Variants in ZBTB20 observed in about 807,000 individuals in gnomAD.
ZBTB20 encodes the protein zinc finger and BTB domain-containing protein 20.
ZBTB20 carries 9 observed loss-of-function variants against 56.9 expected under a neutral mutation model. The observed-to-expected ratio is 0.16, with a 90% CI of 0.10 to 0.28. The LOEUF (loss-of-function observed/expected upper bound fraction) is 0.28, where lower values mean the gene tolerates loss of function less well. Among genes scored for constraint, ZBTB20 ranks in the 10% least tolerant of loss-of-function variants. The pLI is 1.00. For synonymous variants in ZBTB20, 417 were observed against 420.7 expected (o/e 0.99, Z 0.11); for missense variants, 655 against 1,003.0 (o/e 0.65, Z 4.69).
chr3:114,907,774 AG>A (rs2075376575), intron 3 of ZBTB20, among the ~76,000 whole-genome samples: 1 of 151,950 alleles, frequency 6.6e-6, no homozygotes, highest in Admixed American at 6.6e-5. Context: ...ACTATGTGAC[AG>A]GCATTGTTCC....
chr3:114,390,200 A>C (rs1016131266), intron 7 of ZBTB20, among the ~76,000 whole-genome samples: 3 of 151,678 alleles, frequency 2.0e-5, no homozygotes, highest in African/African-American at 4.8e-5. Flanking sequence ...TTTCTAGTAC[A>C]AAAAAAAGCC....
intron 6 of ZBTB20, among the ~76,000 whole-genome samples, chr3:114,636,521 C>A (rs566364860): frequency 6.6e-5 from 10 of 151,970 alleles, no homozygotes; most frequent in Admixed American, 3.3e-4. Context: ...AATTGTGACA[C>A]CAATAACATG....
chr3:114,978,315 A>C (rs983040051), intron 2 of ZBTB20, among the ~76,000 whole-genome samples: 1 of 148,768 alleles, frequency 6.7e-6, no homozygotes, highest in Non-Finnish European at 1.5e-5. Context: ...ATTATTAAAT[A>C]ATATTATTAA....
intron 3 of ZBTB20, among the ~76,000 whole-genome samples, chr3:114,935,927 T>C (rs1254941693): frequency 6.6e-6 from 1 of 152,176 alleles, no homozygotes; most frequent in East Asian, 1.9e-4. Context: ...TACCAGATCA[T>C]AATGAGCATC....
rs75872725 is a variant in ZBTB20, at chr3:114,594,209, A to C, written c.-294-93818T>G. Among the ~76,000 whole-genome samples, 186 of 152,288 alleles carry C rather than the reference A, an allele frequency of 1.2e-3. 5 individuals carry two copies. The East Asian group carries it at 0.033, about 27-fold the overall frequency. ...GGTTAAATTGCAACCCATAAATTAA[A>C]ATGTAGTTCCAAAGTGTGTCTATAG... On this transcript the variant is annotated intron_variant, in intron 6 of 11. Coordinates refer to ENST00000675478, the MANE Select transcript of ZBTB20 (RefSeq NM_001348800.3).
intron 6 of ZBTB20, among the ~76,000 whole-genome samples, chr3:114,586,989 CTTTTTT>C (rs1195918426): frequency 1.0e-4 from 8 of 76,976 alleles, no homozygotes; most frequent in East Asian, 5.0e-4. Flanking sequence ...GTATAACTCC[CTTTTTT>C]TTTTTTTTTT....
Position 114,927,674 on chromosome 3 carries a change from T to C in ZBTB20, c.-455-27332A>G, listed in dbSNP as rs72958302. On this transcript the variant is annotated intron_variant, in intron 3 of 11. Transcript: ENST00000675478. ...TCTCAAGAACTGGCAATAATTAAGTTTCCAACCAAATTATATTTTCTAAAT... is the reference window on the plus strand; with the variant it reads ...TCTCAAGAACTGGCAATAATTAAGTCTCCAACCAAATTATATTTTCTAAAT... Among the ~76,000 whole-genome samples the C allele has an allele frequency of 6.7e-3, 1,018 of 152,278 alleles. 14 individuals carry two copies. Among genetic ancestry groups the C allele is most frequent in the African/African-American group, 0.022 (933 of 41,540 alleles).
intron 1 of ZBTB20, among the ~76,000 whole-genome samples, chr3:115,121,846 T>G (rs865790955): frequency 1.1e-4 from 16 of 152,094 alleles, no homozygotes; most frequent in Non-Finnish European, 1.6e-4. Flanking sequence ...TCTTAGTTTA[T>G]TCTTAAAGCT....
chr3:114,749,051 T>C (rs1478227470), intron 5 of ZBTB20, among the ~76,000 whole-genome samples: 1 of 152,196 alleles, frequency 6.6e-6, no homozygotes, highest in Admixed American at 6.5e-5. Context: ...CGATGAGAAG[T>C]CAGGAATGCC....
intron 6 of ZBTB20, among the ~76,000 whole-genome samples, chr3:114,642,036 A>C (rs767861841): frequency 6.6e-6 from 1 of 152,014 alleles, no homozygotes; most frequent in Non-Finnish European, 1.5e-5. Context: ...TGTAGTACCT[A>C]GTTTGAGGCC....
chr3:115,132,286 G>GA (rs1206525242), intron 1 of ZBTB20, among the ~76,000 whole-genome samples: 3 of 151,826 alleles, frequency 2.0e-5, no homozygotes, highest in Non-Finnish European at 2.9e-5. Context: ...TGTTTCTATG[G>GA]AAAATGGAAT....
rs140743010 is a variant in ZBTB20, at chr3:115,108,337, A to G, written c.-702-36923T>C. Among the ~76,000 whole-genome samples, 1,281 of 152,300 alleles carry G rather than the reference A, an allele frequency of 8.4e-3. 5 individuals carry two copies. The highest frequency in any genetic ancestry group is 0.011 in the Non-Finnish European group (750 of 68,026). ...TGGAATTGTCCTCTTTGAGGAAAAC[A>G]TCTTGATAAGCTGCTGGAGTCAGAG... On this transcript the variant is annotated intron_variant, in intron 1 of 11. Transcript: ENST00000675478.
chr3:114,791,929 T>C (rs892631819), intron 5 of ZBTB20: 1 of 152,208 alleles, frequency 6.6e-6, no homozygotes, highest in South Asian at 2.1e-4. Flanking sequence ...CAGCTCAGCA[T>C]GGCTTCCTCC....
rs144491305 is a variant in ZBTB20, at chr3:114,503,502, C to G, written c.-294-3111G>C. Among the ~76,000 whole-genome samples, 881 of 152,278 alleles carry G rather than the reference C, an allele frequency of 5.8e-3. 5 individuals are homozygous for G. The highest frequency in any genetic ancestry group is 8.4e-3 in the Non-Finnish European group (570 of 68,014). On this transcript the variant is annotated intron_variant, in intron 6 of 11. Transcript: ENST00000675478. ...ATTTGCTCAATTCAAATTGTTATTTCATTGATACATGCTCTTTCCACCTAA... is the reference window on the plus strand; with the variant it reads ...ATTTGCTCAATTCAAATTGTTATTTGATTGATACATGCTCTTTCCACCTAA...
chr3:115,075,300 T>G (rs770734014), intron 1 of ZBTB20, among the ~76,000 whole-genome samples: 1 of 152,176 alleles, frequency 6.6e-6, no homozygotes, highest in Non-Finnish European at 1.5e-5. Context: ...CCTTCAGCCC[T>G]TGGCAACCAC....
chr3:114,861,550 A>C (rs2075529775), intron 4 of ZBTB20, among the ~76,000 whole-genome samples: 1 of 152,180 alleles, frequency 6.6e-6, no homozygotes, highest in Non-Finnish European at 1.5e-5. Flanking sequence ...TGGAAGAATA[A>C]CTATTCCAGG....
chr3:114,534,018 C>T (rs893228592), intron 6 of ZBTB20, among the ~76,000 whole-genome samples: 1 of 152,172 alleles, frequency 6.6e-6, no homozygotes, highest in South Asian at 2.1e-4. Flanking sequence ...AAACCGGTAC[C>T]AGCCACTGCA....
In ZBTB20 at chr3:114,398,404, T is replaced by C. The variant is rs184393880; in HGVS notation, c.-254-9299A>G. 7.4e-4 allele frequency among the ~76,000 whole-genome samples: 113 copies of C among 152,212 alleles called. 1 individual carries two copies. Among genetic ancestry groups the C allele is most frequent in the Admixed American group, 6.0e-3 (91 of 15,276 alleles). ...ATGATGGTTTAAAACCCAATTTCTG[T>C]AGCTATTGGAATAGTTTAAGATGCT... On this transcript the variant is annotated intron_variant, in intron 7 of 11. Coordinates refer to ENST00000675478, the MANE Select transcript of ZBTB20 (RefSeq NM_001348800.3).
chr3:114,514,216 T>C (rs1412628235), intron 6 of ZBTB20, among the ~76,000 whole-genome samples: 5 of 152,158 alleles, frequency 3.3e-5, no homozygotes, highest in Non-Finnish European at 5.9e-5. Context: ...AGAGGACTTA[T>C]TTAGAGTTGT....
Sources: allele counts gnomAD v4.1 joint callset (sites outside exome capture counted in the v4.1 genomes callset), GRCh38; gene constraint gnomAD v4.1.1; transcripts MANE v1.5; gene names NCBI Gene and HGNC (gene_info 2026-07-23, HGNC 2026-07-21).